Variants in LINGO2 observed in about 807,000 individuals in gnomAD.
LINGO2 encodes the protein leucine rich repeat and Ig domain containing 2.
LINGO2 carries 14 observed loss-of-function variants against 30.6 expected under a neutral mutation model. The observed-to-expected ratio is 0.46, with a 90% CI of 0.30 to 0.72. The LOEUF (loss-of-function observed/expected upper bound fraction) is 0.72. Ranked by LOEUF, LINGO2 falls within the 30% of genes least tolerant of loss-of-function variation. LINGO2 has a pLI of 0.07. For synonymous variants in LINGO2, 317 were observed against 288.5 expected (o/e 1.10, Z -1.00); for missense variants, 729 against 751.7 (o/e 0.97, Z 0.35).
chr9:28,209,917 C>T (rs1820532749), intron 4 of LINGO2, among the ~76,000 whole-genome samples: 2 of 151,702 alleles, frequency 1.3e-5, no homozygotes, highest in Non-Finnish European at 3.0e-5. Flanking sequence ...TGAAACTACT[C>T]ACTGAAAAAT....
the LINGO2 span, among the ~76,000 whole-genome samples, chr9:28,756,975 G>A: frequency 5.9e-5 from 9 of 151,922 alleles, no homozygotes; most frequent in Non-Finnish European, 1.2e-4. Flanking sequence ...AATGAGATAA[G>A]ATGTGTGCAA....
the LINGO2 span, among the ~76,000 whole-genome samples, chr9:28,773,926 T>G: frequency 6.6e-6 from 1 of 152,276 alleles, no homozygotes; most frequent in African/African-American, 2.4e-5. Flanking sequence ...CCTTGAAATT[T>G]ATAAAATAAT....
the LINGO2 span, among the ~76,000 whole-genome samples, chr9:28,725,742 T>C: frequency 6.6e-6 from 1 of 151,892 alleles, no homozygotes; most frequent in Non-Finnish European, 1.5e-5. Flanking sequence ...AGCTCTTTAG[T>C]TTCAAACAAA....
chr9:28,901,230 A>G, the LINGO2 span, among the ~76,000 whole-genome samples: 5 of 152,144 alleles, frequency 3.3e-5, no homozygotes, highest in African/African-American at 1.2e-4. Flanking sequence ...TCCAATCAGA[A>G]ACGAAGGAGA....
chr9:28,848,214 A>ATATATACACTATATATAGTATATACTG, the LINGO2 span, among the ~76,000 whole-genome samples: 3 of 91,630 alleles, frequency 3.3e-5, no homozygotes, highest in African/African-American at 2.3e-4. Context: ...TATATATACT[A>ATATATACACTATATATAGTATATACTG]TATATACGCA....
At chr9:28,692,907 T>A in the LINGO2 span, among the ~76,000 whole-genome samples, 1 of 152,176 alleles carries the variant, frequency 6.6e-6, no homozygotes, top group African/African-American at 2.4e-5. Context: ...GTATCTTTTC[T>A]ACAACATTGT....
intron 2 of LINGO2, among the ~76,000 whole-genome samples, chr9:28,474,845 T>C (rs1381319980): frequency 1.3e-5 from 2 of 152,204 alleles, no homozygotes; most frequent in Admixed American, 1.3e-4. Flanking sequence ...ATGAGGATTA[T>C]GGATATTGGG....
the LINGO2 span, among the ~76,000 whole-genome samples, chr9:29,096,708 T>A: frequency 7.1e-6 from 1 of 140,472 alleles, no homozygotes; most frequent in Non-Finnish European, 1.6e-5. Context: ...TTATTATCTT[T>A]AATCAAAAAC....
At chr9:28,682,354 T>C in the LINGO2 span, among the ~76,000 whole-genome samples, 2 of 152,170 alleles carry the variant, frequency 1.3e-5, no homozygotes, top group African/African-American at 4.8e-5. Context: ...CTTGCATATC[T>C]GTGGCCTTGT....
At chr9:28,241,287 AAAAAAG>A (rs1821783810) in intron 4 of LINGO2, among the ~76,000 whole-genome samples, 2 of 48,360 alleles carry the variant, frequency 4.1e-5, no homozygotes, top group African/African-American at 1.3e-4. Flanking sequence ...AAAAAAAAAA[AAAAAAG>A]AAAAAAGAAA....
At chr9:28,831,058 A>C in the LINGO2 span, among the ~76,000 whole-genome samples, 3 of 152,350 alleles carry the variant, frequency 2.0e-5, no homozygotes, top group Non-Finnish European at 4.4e-5. Context: ...AAAATGGTGG[A>C]TTTCTTTTGG....
chr9:28,590,046 C>A (rs1458310503), intron 1 of LINGO2, among the ~76,000 whole-genome samples: 3 of 152,046 alleles, frequency 2.0e-5, no homozygotes, highest in Non-Finnish European at 4.4e-5. Context: ...GAAAAACAAG[C>A]AATGGGGAAA....
chr9:28,426,177 C>T (rs1044366167), intron 2 of LINGO2, among the ~76,000 whole-genome samples: 65 of 151,794 alleles, frequency 4.3e-4, no homozygotes, highest in African/African-American at 1.3e-3. Context: ...TACAATACAA[C>T]GACAATAATT....
intron 1 of LINGO2, among the ~76,000 whole-genome samples, chr9:28,601,525 CAG>C (rs1409314122): frequency 2.0e-5 from 3 of 152,006 alleles, no homozygotes; most frequent in African/African-American, 2.4e-5. Flanking sequence ...GCTCTGTAAT[CAG>C]AGTGTCACTC....
In LINGO2 at chr9:27,950,500, C is replaced by A; in HGVS notation, c.172G>T (p.Glu58Ter). ...TTACTGAGGTCCAAGATTTTGGTTT[C>A]GATGGGAATGCCCTCTGGGATGGCG... The change falls in exon 6 of 6, where the codon GAA (glutamate) becomes TAA (stop). Residue 58 changes from glutamate (E) to a stop codon, truncating the protein, a stop_gained. Transcript: ENST00000379992. LOFTEE classifies it high-confidence loss of function. The A allele has an allele frequency of 6.3e-7, 1 of 1,595,160 alleles. No individual in the cohort carries two copies.
the LINGO2 span, among the ~76,000 whole-genome samples, chr9:28,883,318 G>A: frequency 8.6e-5 from 13 of 151,784 alleles, no homozygotes; most frequent in African/African-American, 1.7e-4. Context: ...CCTCACAGGC[G>A]TGAGCCACTG....
chr9:29,141,820 T>A, the LINGO2 span, among the ~76,000 whole-genome samples: 1 of 151,800 alleles, frequency 6.6e-6, no homozygotes, highest in Non-Finnish European at 1.5e-5. Flanking sequence ...ATAGATTATA[T>A]CATGATAAAA....
chr9:28,756,926 A>G, the LINGO2 span, among the ~76,000 whole-genome samples: 1 of 151,802 alleles, frequency 6.6e-6, no homozygotes, highest in Non-Finnish European at 1.5e-5. Flanking sequence ...TTAAACTTTA[A>G]TTTTCTTATC....
chr9:29,160,459 CAT>C, the LINGO2 span, among the ~76,000 whole-genome samples: 1 of 152,146 alleles, frequency 6.6e-6, no homozygotes, highest in Non-Finnish European at 1.5e-5. Context: ...ATTGAGATAA[CAT>C]ATTTGAAATG....
Sources: gnomAD v4.1 joint callset for allele counts (sites outside exome capture counted in the v4.1 genomes callset) on GRCh38, gnomAD v4.1.1 for gene constraint, MANE v1.5 for transcripts, NCBI Gene and HGNC (gene_info 2026-07-23, HGNC 2026-07-21) for gene names.